The following NELL1 variants were observed in gnomAD, a reference collection of about 807,000 sequenced individuals.
The protein encoded by NELL1 is neural EGFL like 1, also known as protein kinase C-binding protein NELL1.
Under a neutral mutation model 107.4 loss-of-function variants are expected in NELL1, and 76 were observed. That is an observed-to-expected ratio of 0.71 (90% CI 0.59 to 0.86). The LOEUF (loss-of-function observed/expected upper bound fraction) is 0.86. Among genes scored for constraint, NELL1 ranks in the 40% least tolerant of loss-of-function variants. NELL1 has a pLI of 0.00. For missense variants in NELL1, 1,024 were observed against 1,005.5 expected (o/e 1.02, Z -0.25); for synonymous variants, 353 against 341.2 (o/e 1.03, Z -0.38).
chr11:20,738,773 A>G (rs1855821027), intron 2 of NELL1, among the ~76,000 whole-genome samples: 1 of 152,218 alleles, frequency 6.6e-6, no homozygotes. Context: ...TTTTCCTGCT[A>G]GAGGACGAGA....
At chr11:20,970,026 G>T (rs561776934) in intron 12 of NELL1, among the ~76,000 whole-genome samples, 1 of 125,750 alleles carries the variant, frequency 8.0e-6, no homozygotes, top group Non-Finnish European at 1.7e-5. Flanking sequence ...TCTTCATGGC[G>T]TATATAAATA....
At position 21,562,411 on chromosome 11, in the gene NELL1, T is replaced by G. The variant is rs549363706; in HGVS notation, c.1980+2029T>G. 9.2e-5 allele frequency among the ~76,000 whole-genome samples: 14 copies of G among 151,810 alleles called. No homozygotes were observed. In the South Asian group the frequency reaches 2.7e-3, roughly 29 times the overall value. On this transcript the variant is annotated intron_variant, in intron 17 of 19. Transcript: ENST00000357134. ...TAAAGTACAGGCAGATTTCTGTACA[T>G]AAATCTTTTGTTTGTTTGTGTTCTA...
chr11:20,972,005 A>G (rs1046892858), intron 12 of NELL1, among the ~76,000 whole-genome samples: 19 of 147,754 alleles, frequency 1.3e-4, no homozygotes, highest in Admixed American at 4.7e-4. Context: ...GAGGGGAACA[A>G]CAGACACTGG....
At chr11:21,075,560 C>T (rs1014421717) in intron 12 of NELL1, among the ~76,000 whole-genome samples, 5 of 152,076 alleles carry the variant, frequency 3.3e-5, no homozygotes, top group Non-Finnish European at 5.9e-5. Flanking sequence ...CTCACTACTG[C>T]CTTGAACTCC....
chr11:21,309,282 A>ATATATATATATATATGTG (rs1195512818), intron 14 of NELL1, among the ~76,000 whole-genome samples: 1 of 10,314 alleles, frequency 9.7e-5, no homozygotes, highest in Admixed American at 7.1e-4. Context: ...ATATATATGT[A>ATATATATATATATATGTG]TATATATATA....
At chr11:21,199,843 G>A (rs960056375) in intron 13 of NELL1, among the ~76,000 whole-genome samples, 8 of 121,156 alleles carry the variant, frequency 6.6e-5, no homozygotes, top group African/African-American at 1.6e-4. Context: ...TCCCTTCCCC[G>A]TGTCCATGTG....
intron 5 of NELL1, among the ~76,000 whole-genome samples, chr11:20,905,571 C>A (rs1329283560): frequency 6.6e-6 from 1 of 151,938 alleles, no homozygotes; most frequent in East Asian, 1.9e-4. Context: ...ATGAGAATAT[C>A]AATGAAGAGA....
At chr11:20,924,593 T>C (rs1348946234) in intron 7 of NELL1, among the ~76,000 whole-genome samples, 19 of 152,170 alleles carry the variant, frequency 1.2e-4, no homozygotes, top group Non-Finnish European at 1.3e-4. Flanking sequence ...CTCAGATAGA[T>C]ATAGAGTTGC....
intron 14 of NELL1, among the ~76,000 whole-genome samples, chr11:21,364,180 G>C (rs548163563): frequency 3.9e-5 from 6 of 152,202 alleles, no homozygotes; most frequent in African/African-American, 1.4e-4. Flanking sequence ...GGAGGCCGAG[G>C]TGGGTGGATC....
intron 15 of NELL1, among the ~76,000 whole-genome samples, chr11:21,393,367 T>C (rs531586807): frequency 1.8e-4 from 27 of 151,660 alleles, no homozygotes; most frequent in African/African-American, 6.3e-4. Context: ...AGAGCAAAAT[T>C]AAATTTGGGA....
chr11:21,131,574 C>T (rs975608512), intron 13 of NELL1, among the ~76,000 whole-genome samples: 4 of 152,188 alleles, frequency 2.6e-5, no homozygotes, highest in Middle Eastern at 3.2e-3. Context: ...GGCCTTTCAT[C>T]TCTTCATCCA....
intron 9 of NELL1, among the ~76,000 whole-genome samples, chr11:20,931,963 G>C (rs569771379): frequency 6.6e-6 from 1 of 152,212 alleles, no homozygotes; most frequent in East Asian, 1.9e-4. Flanking sequence ...TGTGTTGTCT[G>C]CTCACTCACT....
chr11:21,304,061 A>G (rs1354421179), intron 14 of NELL1, among the ~76,000 whole-genome samples: 1 of 152,044 alleles, frequency 6.6e-6, no homozygotes, highest in Non-Finnish European at 1.5e-5. Context: ...ACTGGGGATT[A>G]ATTTGCAACA....
At chr11:21,427,675 C>T (rs1029236445) in intron 15 of NELL1, among the ~76,000 whole-genome samples, 1 of 152,016 alleles carries the variant, frequency 6.6e-6, no homozygotes, top group African/African-American at 2.4e-5. Context: ...GTTTGAGACA[C>T]CTTGGGCAAC....
intron 15 of NELL1, among the ~76,000 whole-genome samples, chr11:21,442,084 A>C (rs1258627837): frequency 6.6e-6 from 1 of 152,138 alleles, no homozygotes; most frequent in Non-Finnish European, 1.5e-5. Flanking sequence ...ACTTTTGTTT[A>C]TTTAGTACAA....
intron 14 of NELL1, among the ~76,000 whole-genome samples, chr11:21,278,126 A>G (rs1277925372): frequency 6.6e-6 from 1 of 152,160 alleles, no homozygotes; most frequent in Non-Finnish European, 1.5e-5. Context: ...ACAAGGAATA[A>G]TAGAAGCGAA....
chr11:20,676,217 A>G (rs963208694), intron 1 of NELL1, among the ~76,000 whole-genome samples: 1 of 152,050 alleles, frequency 6.6e-6, no homozygotes, highest in African/African-American at 2.4e-5. Context: ...TTTCAGCTTG[A>G]AAGAAACTTT....
intron 12 of NELL1, among the ~76,000 whole-genome samples, chr11:21,073,976 C>G (rs943160893): frequency 5.3e-5 from 8 of 151,908 alleles, no homozygotes; most frequent in African/African-American, 1.9e-4. Context: ...TACCTCATTC[C>G]AATAGGTGTT....
intron 13 of NELL1, among the ~76,000 whole-genome samples, chr11:21,180,779 G>A (rs1338457704): frequency 1.3e-5 from 2 of 151,436 alleles, no homozygotes; most frequent in Non-Finnish European, 2.9e-5. Context: ...GCTTGGTCAG[G>A]TCATGTAGAA....
Sources: allele counts gnomAD v4.1 joint callset (sites outside exome capture counted in the v4.1 genomes callset), GRCh38; gene constraint gnomAD v4.1.1; transcripts MANE v1.5; gene names NCBI Gene and HGNC (gene_info 2026-07-23, HGNC 2026-07-21).